Variants in ZBTB37 observed in about 807,000 individuals in gnomAD.
The protein encoded by ZBTB37 is zinc finger and BTB domain containing 37.
Under a neutral mutation model 37.7 loss-of-function variants are expected in ZBTB37, and 15 were observed. The observed-to-expected ratio is 0.40, with a 90% confidence interval of 0.27 to 0.61. The LOEUF (loss-of-function observed/expected upper bound fraction) is 0.61, where lower values mean the gene tolerates loss of function less well. Ranked by LOEUF, ZBTB37 falls within the 20% of genes least tolerant of loss-of-function variation. The pLI is 0.44. For synonymous variants in ZBTB37, 231 were observed against 220.6 expected (o/e 1.05, Z -0.42); for missense variants, 514 against 641.9 (o/e 0.80, Z 2.15).
At chr1:173,902,957 C>T (rs1267779546) in exon 4 of ZBTB37, 1 of 152,314 alleles carries the variant, frequency 6.6e-6, no homozygotes, top group East Asian at 1.9e-4. Context: ...GGAAGTTTCA[C>T]TGGGGAAAAA....
chr1:173,875,312 G>T (rs1374607296), intron 4 of ZBTB37, among the ~76,000 whole-genome samples: 1 of 130,382 alleles, frequency 7.7e-6, no homozygotes, highest in Non-Finnish European at 1.6e-5. Flanking sequence ...ATATATATAT[G>T]TGTGCATATA....
intron 4 of ZBTB37, among the ~76,000 whole-genome samples, chr1:173,877,119 G>A (rs1202627140): frequency 6.6e-6 from 1 of 152,018 alleles, no homozygotes; most frequent in Non-Finnish European, 1.5e-5. Flanking sequence ...TATTATAATC[G>A]TATGGAAGCA....
exon 4 of ZBTB37, chr1:173,896,923 TAGAATG>T (rs1489327037): frequency 6.6e-6 from 1 of 152,258 alleles, no homozygotes; most frequent in Non-Finnish European, 1.5e-5. Context: ...AGTCCGTCTC[TAGAATG>T]GCTATCTGTT....
chr1:173,870,380 C>G, exon 3 of ZBTB37: 1 of 1,614,166 alleles, frequency 6.2e-7, no homozygotes, highest in Non-Finnish European at 8.5e-7. Context: ...GTGCTGGCTG[C>G]CAGCTCCCCC....
chr1:173,886,114 G>A, exon 5 of ZBTB37: 2 of 1,550,446 alleles, frequency 1.3e-6, no homozygotes, highest in Non-Finnish European at 1.7e-6. Context: ...TCCACCACTG[G>A]GCCAGACTGA....
exon 3 of ZBTB37, chr1:173,870,887 A>G: frequency 6.2e-7 from 1 of 1,614,246 alleles, no homozygotes; most frequent in Non-Finnish European, 8.5e-7. Flanking sequence ...GGACAGTGGT[A>G]TGTGGAGACA....
chr1:173,893,259 A>G (rs1344439349), exon 4 of ZBTB37: 1 of 152,204 alleles, frequency 6.6e-6, no homozygotes, highest in Non-Finnish European at 1.5e-5. Flanking sequence ...TGATTTTAAT[A>G]TACTGTGAAT....
intron 4 of ZBTB37, among the ~76,000 whole-genome samples, 192 bp from the exon 5 acceptor site, chr1:173,885,444 G>A (rs1656567857): frequency 6.6e-6 from 1 of 152,064 alleles, no homozygotes; most frequent in Non-Finnish European, 1.5e-5. Flanking sequence ...TTATAGTAAT[G>A]GAATAGAGTA....
chr1:173,885,207 C>A (rs984059131), intron 4 of ZBTB37, among the ~76,000 whole-genome samples: 5 of 152,134 alleles, frequency 3.3e-5, no homozygotes, highest in African/African-American at 9.7e-5. Flanking sequence ...TGCACTCCAG[C>A]CTGAGTGAGA....
intron 3 of ZBTB37, among the ~76,000 whole-genome samples, chr1:173,872,692 A>C (rs1655654711): frequency 6.6e-6 from 1 of 152,094 alleles, no homozygotes; most frequent in Non-Finnish European, 1.5e-5. Context: ...TATGGAAATA[A>C]AATTTTAAAA....
At chr1:173,884,939 C>T (rs1656539591) in intron 4 of ZBTB37, among the ~76,000 whole-genome samples, 1 of 152,170 alleles carries the variant, frequency 6.6e-6, no homozygotes. Flanking sequence ...TTTTCATCAT[C>T]ATTGATAGTT....
intron 3 of ZBTB37, 88 bp from the exon 4 acceptor site, chr1:173,873,379 C>T: frequency 7.3e-7 from 1 of 1,372,604 alleles, no homozygotes; most frequent in East Asian, 2.4e-5. Context: ...CTTCCTCAGC[C>T]ATAGAATAAA....
intron 4 of ZBTB37, among the ~76,000 whole-genome samples, chr1:173,877,658 G>T (rs1299642350): frequency 6.6e-6 from 1 of 152,108 alleles, no homozygotes; most frequent in East Asian, 1.9e-4. Context: ...GAAGACCAAG[G>T]TGCAGTCCTC....
At chr1:173,890,151 C>A (rs1656788994), downstream of ZBTB37, 1 of 152,112 alleles carries the variant, frequency 6.6e-6, no homozygotes. Flanking sequence ...GGCGTGTGAC[C>A]ACACCTGGCT....
At chr1:173,896,348 G>A (rs764484726) in exon 4 of ZBTB37, 16 of 152,280 alleles carry the variant, frequency 1.1e-4, no homozygotes, top group Non-Finnish European at 1.9e-4. Flanking sequence ...CCACTCTGGT[G>A]TAGTCTGCCC....
chr1:173,871,731 T>G (rs79491167), intron 3 of ZBTB37, among the ~76,000 whole-genome samples: 8 of 152,166 alleles, frequency 5.3e-5, no homozygotes, highest in Non-Finnish European at 1.2e-4. Flanking sequence ...CTTTCATGGA[T>G]GACTGCTGCT....
exon 3 of ZBTB37, chr1:173,870,863 G>C (rs751501901): frequency 1.9e-6 from 3 of 1,614,208 alleles, no homozygotes; most frequent in Middle Eastern, 1.6e-4. Context: ...CCCATTCTTC[G>C]GATCAACCGA....
Position 173,880,180 on chromosome 1 carries a change from T to G in ZBTB37, c.1024-5456T>G, listed in dbSNP as rs532869737. The stretch of plus-strand genomic sequence containing the variant: ...TCTTCTTTGTATCTCTGACATTATC[T>G]TCTTAGTGCCTGATTAATAGTTGTT... On this transcript the variant is annotated intron_variant, in intron 4 of 4. Coordinates refer to ENST00000427304, the Ensembl canonical transcript of ZBTB37. Among the ~76,000 whole-genome samples, 4 of 152,356 alleles carry G rather than the reference T, an allele frequency of 2.6e-5. 1 individual carries two copies. The highest frequency in any genetic ancestry group is 9.6e-5 in the African/African-American group (4 of 41,578).
downstream of ZBTB37, chr1:173,887,138 T>C (rs1411040731): frequency 6.6e-6 from 1 of 152,232 alleles, no homozygotes; most frequent in East Asian, 1.9e-4. Flanking sequence ...GTCTCCATAT[T>C]TGATAACTTT....
Sources: gnomAD v4.1 joint callset for allele counts (sites outside exome capture counted in the v4.1 genomes callset) on GRCh38, gnomAD v4.1.1 for gene constraint, MANE v1.5 for transcripts, NCBI Gene and HGNC (gene_info 2026-07-23, HGNC 2026-07-21) for gene names.